Variants in MCPH1 observed in about 807,000 individuals in gnomAD.
MCPH1 encodes the protein microcephalin.
Under a neutral mutation model 84.5 loss-of-function variants are expected in MCPH1, and 104 were observed. The observed-to-expected ratio is 1.23, with a 90% CI of 1.05 to 1.45. The LOEUF is 1.45. Ranked by LOEUF, MCPH1 falls within the 40% of genes most tolerant of loss-of-function variation. The probability of loss-of-function intolerance (pLI) is 0.00; values close to 1 mark genes in which losing one functional copy is unlikely to be tolerated. For synonymous variants in MCPH1, 514 were observed against 366.8 expected (o/e 1.40, Z -4.58); for missense variants, 1,498 against 1,005.7 (o/e 1.49, Z -6.62).
intron 6 of MCPH1, among the ~76,000 whole-genome samples, 190 bp from the exon 7 acceptor site, chr8:6,441,877 T>A (rs555505115): frequency 6.6e-6 from 1 of 152,346 alleles, no homozygotes; most frequent in African/African-American, 2.4e-5. Flanking sequence ...TAGAACAGAC[T>A]GGAAATGTTC....
Position 6,419,300 on chromosome 8 carries a change from G to GC in MCPH1, c.233+4419dup, listed in dbSNP as rs568158177. 1.6e-4 allele frequency among the ~76,000 whole-genome samples: 24 copies of GC among 152,208 alleles called. No homozygotes were observed. The South Asian group carries it at 4.4e-3, about 28-fold the overall frequency. On this transcript the variant is annotated intron_variant, in intron 3 of 13. Transcript: ENST00000344683. ...AATGACTCAGTTGCAGCTTACTGCA[G>GC]CCTTGACCTCTAAGGCTCAATCAGT... is the stretch of plus-strand genomic sequence containing the variant.
In MCPH1 at chr8:6,536,201, A is replaced by G. The variant is rs184112319; in HGVS notation, c.2214+36272A>G. On this transcript the variant is annotated intron_variant, in intron 12 of 13. Transcript: ENST00000344683. ...GGAAGAATACTGTATATTTAGCCCC[A>G]GAAACACTAGCGACAGGAACAGCCA... Among the ~76,000 whole-genome samples, 14 of 152,304 alleles carry G rather than the reference A, an allele frequency of 9.2e-5. No individual in the cohort carries two copies. In the East Asian group the frequency reaches 1.7e-3, roughly 19 times the overall value.
At chr8:6,625,183 C>CTATT in intron 13 of MCPH1, 2 of 985,408 alleles carry the variant, frequency 2.0e-6, no homozygotes, top group Non-Finnish European at 2.4e-6. Flanking sequence ...CCGAAATCAC[C>CTATT]TATTTTCTGT....
intron 13 of MCPH1, among the ~76,000 whole-genome samples, chr8:6,630,553 G>T (rs750801990): frequency 2.2e-4 from 33 of 152,234 alleles, no homozygotes; most frequent in African/African-American, 6.5e-4. Context: ...AGGCTGAAGT[G>T]GACAGATCAC....
chr8:6,433,649 A>C (rs868463921), intron 4 of MCPH1, among the ~76,000 whole-genome samples: 2,327 of 151,236 alleles, frequency 0.015, 63 homozygotes, highest in African/African-American at 0.049. Context: ...AAAAAAAAAA[A>C]AAAAAACCTA....
At chr8:6,595,231 C>G (rs1828827928) in intron 12 of MCPH1, among the ~76,000 whole-genome samples, 2 of 152,164 alleles carry the variant, frequency 1.3e-5, no homozygotes, top group Admixed American at 6.5e-5. Context: ...AGGCAAGGAT[C>G]CCTGTCCACA....
intron 12 of MCPH1, among the ~76,000 whole-genome samples, chr8:6,597,678 C>A (rs1020233754): frequency 1.3e-5 from 2 of 152,094 alleles, no homozygotes; most frequent in African/African-American, 4.8e-5. Context: ...AGAGGAGTTT[C>A]CCTCTCTTTG....
intron 9 of MCPH1, among the ~76,000 whole-genome samples, chr8:6,467,191 C>G (rs1045570538): frequency 6.6e-6 from 1 of 152,130 alleles, no homozygotes; most frequent in African/African-American, 2.4e-5. Flanking sequence ...GTTTATATAT[C>G]AATAGTGAGT....
chr8:6,553,474 G>A (rs1231331464), intron 12 of MCPH1, among the ~76,000 whole-genome samples: 1 of 152,068 alleles, frequency 6.6e-6, no homozygotes, highest in African/African-American at 2.4e-5. Flanking sequence ...AATTGCGTCG[G>A]CTTCACACGT....
At chr8:6,407,465 A>G (rs1797903286) in intron 1 of MCPH1, among the ~76,000 whole-genome samples, 2 of 152,244 alleles carry the variant, frequency 1.3e-5, no homozygotes, top group South Asian at 4.1e-4. Flanking sequence ...CCAGTATATG[A>G]TACCGCACGC....
At chr8:6,523,613 G>A (rs904690841) in intron 12 of MCPH1, among the ~76,000 whole-genome samples, 3 of 152,116 alleles carry the variant, frequency 2.0e-5, no homozygotes, top group African/African-American at 7.2e-5. Context: ...ATGGAGTCTC[G>A]GAGTCTCGCG....
At chr8:6,538,997 G>A (rs1237630786) in intron 12 of MCPH1, among the ~76,000 whole-genome samples, 1 of 151,290 alleles carries the variant, frequency 6.6e-6, no homozygotes. Flanking sequence ...TGGCAAAACT[G>A]GGCTCTCCTC....
At chr8:6,457,226 T>C (rs1422775981) in intron 9 of MCPH1, among the ~76,000 whole-genome samples, 1 of 152,204 alleles carries the variant, frequency 6.6e-6, no homozygotes, top group Non-Finnish European at 1.5e-5. Context: ...CCTCATAATT[T>C]AGAATGTCAT....
chr8:6,410,351 T>C lies in MCPH1; in HGVS notation c.114+981T>C, dbSNP rs78192182. Among the ~76,000 whole-genome samples the C allele has an allele frequency of 4.5e-3, 686 of 152,138 alleles. 7 individuals carry two copies. The highest frequency in any genetic ancestry group is 0.016 in the African/African-American group (660 of 41,498). On this transcript the variant is annotated intron_variant, in intron 2 of 13. Coordinates refer to ENST00000344683, the MANE Select transcript of MCPH1 (RefSeq NM_024596.5). The stretch of plus-strand genomic sequence containing the variant: ...TAGAATTTTTAAAAACTACAGAAAG[T>C]TCAAGAAAAATAGGATGGGCAAATG...
Position 6,645,937 on chromosome 8 carries a change from T to G in MCPH1, c.*2888T>G. On this transcript the variant is annotated 3_prime_UTR_variant, in exon 14 of 14. Transcript: ENST00000344683. ...AGAAGATGCAATATTGTTAAGATGA[T>G]AGTCCTCAAATTGACGTATAGATTC... 1.3e-5 allele frequency: 2 copies of G among 152,350 alleles called. No homozygotes were observed. The highest frequency in any genetic ancestry group is 6.8e-3 in the Middle Eastern group (2 of 294). 9.4% of individuals were successfully genotyped at this position (152,350 alleles called of 1,614,324 possible). A position where few individuals can be genotyped will look rare whatever the true frequency, so the allele number is the denominator to read the frequency against.
chr8:6,542,837 A>C (rs1821859187), intron 12 of MCPH1, among the ~76,000 whole-genome samples: 1 of 152,152 alleles, frequency 6.6e-6, no homozygotes, highest in African/African-American at 2.4e-5. Flanking sequence ...ACTTGGTCAC[A>C]ATGACTATCC....
intron 3 of MCPH1, among the ~76,000 whole-genome samples, chr8:6,429,159 G>A (rs1318079174): frequency 6.6e-6 from 1 of 152,180 alleles, no homozygotes; most frequent in Non-Finnish European, 1.5e-5. Flanking sequence ...TATGAATGTG[G>A]AAGTTGTGTG....
chr8:6,566,403 G>A (rs1436773737), intron 12 of MCPH1, among the ~76,000 whole-genome samples: 1 of 151,708 alleles, frequency 6.6e-6, no homozygotes, highest in East Asian at 2.0e-4. Flanking sequence ...TGGTCAGCAA[G>A]GCCATCCACA....
rs1585805796 is a variant in MCPH1 at position 6,444,600 on chromosome 8, G to A, written c.878G>A (p.Ser293Asn). 1 of 1,614,050 alleles carries A rather than the reference G, an allele frequency of 6.2e-7. No homozygotes were observed. Among genetic ancestry groups the A allele is most frequent in the Non-Finnish European group, 8.5e-7 (1 of 1,180,046 alleles). ...LDKSSPQKFL[S>N]NLSKEEINLQ... is the part of the protein sequence containing the mutation. ...AAATCAAGTCCTCAGAAATTTCTGA[G>A]TAATCTTTCAAAGGAAGAAATAAAC... is the stretch of plus-strand genomic sequence containing the variant. The change falls in exon 8 of 14, where the codon AGT becomes AAT. Residue 293 changes from serine to asparagine, a missense_variant. Coordinates refer to ENST00000344683, the MANE Select transcript of MCPH1 (RefSeq NM_024596.5).
Sources: gnomAD v4.1 joint callset for allele counts (sites outside exome capture counted in the v4.1 genomes callset) on GRCh38, gnomAD v4.1.1 for gene constraint, MANE v1.5 for transcripts, NCBI Gene and HGNC (gene_info 2026-07-23, HGNC 2026-07-21) for gene names.